The following CEP120 variants were observed in gnomAD, a reference collection of about 807,000 sequenced individuals.
CEP120 encodes the protein centrosomal protein of 120 kDa.
CEP120 carries 113 observed loss-of-function variants against 126.5 expected under a neutral mutation model. The observed-to-expected ratio is 0.89, with a 90% CI of 0.77 to 1.04. The LOEUF is 1.04. CEP120 is among the 50% of genes least tolerant of loss of function. The pLI, the probability that CEP120 is intolerant of heterozygous loss-of-function variation, is 0.00. For synonymous variants in CEP120, 400 were observed against 394.3 expected, an observed-to-expected ratio of 1.01 and a Z score of -0.17; for missense variants, 1,230 against 1,155.7, an observed-to-expected ratio of 1.06 and a Z score of -0.93.
At chr5:123,367,675 A>G (rs1770562372) in intron 17 of CEP120, among the ~76,000 whole-genome samples, 1 of 151,976 alleles carries the variant, frequency 6.6e-6, no homozygotes, top group East Asian at 1.9e-4. Flanking sequence ...TCTGATCCCA[A>G]GCATTTTGGA....
Position 123,422,405 on chromosome 5 carries a change from C to T in CEP120, c.49+545G>A, listed in dbSNP as rs1033714486. The T allele has an allele frequency of 4.2e-5, 44 of 1,055,796 alleles. No homozygotes were observed. The Admixed American group carries it at 8.7e-4, about 21-fold the overall frequency. The allele number at this position is 1,055,796 out of a possible 1,614,324, so 65.4% of individuals were successfully genotyped here. ...TCAGGACTGTTTCATTCTTACATTC[C>T]CAGCACAGTGTCTGACACTCAATGA... On this transcript the variant is annotated intron_variant, in intron 1 of 19. Transcript: ENST00000306467.
chr5:123,406,487 A>T (rs1252815435), intron 4 of CEP120, among the ~76,000 whole-genome samples: 2 of 151,786 alleles, frequency 1.3e-5, no homozygotes, highest in Non-Finnish European at 2.9e-5. Flanking sequence ...AACGGGAAAA[A>T]AAAAATCTTA....
chr5:123,351,654 A>T (rs370898334), intron 18 of CEP120, among the ~76,000 whole-genome samples: 1 of 152,148 alleles, frequency 6.6e-6, no homozygotes, highest in African/African-American at 2.4e-5. Context: ...ATACATAATG[A>T]GATATCTTGG....
chr5:123,408,127 G>C (rs1773815679), intron 4 of CEP120, among the ~76,000 whole-genome samples: 1 of 152,108 alleles, frequency 6.6e-6, no homozygotes, highest in Non-Finnish European at 1.5e-5. Context: ...AATGAAAGCA[G>C]TGCTTAGAGA....
intron 5 of CEP120, among the ~76,000 whole-genome samples, chr5:123,398,727 T>G (rs983771578): frequency 1.3e-5 from 2 of 152,210 alleles, no homozygotes; most frequent in Non-Finnish European, 1.5e-5. Flanking sequence ...ATTTATTAGT[T>G]TATAAACAAG....
chr5:123,393,182 A>G, intron 6 of CEP120, 118 bp downstream of exon 6: 1 of 892,312 alleles, frequency 1.1e-6, no homozygotes, highest in African/African-American at 1.7e-5. Flanking sequence ...TGGCAGAAAG[A>G]TAACCTGTAC....
At chr5:123,391,599 T>C (rs1772405456) in intron 6 of CEP120, among the ~76,000 whole-genome samples, 2 of 125,052 alleles carry the variant, frequency 1.6e-5, no homozygotes, top group Admixed American at 1.6e-4. Context: ...TCATATGTTA[T>C]TGCTTCTTTT....
rs1171858844 is a variant in CEP120 at position 123,401,392 on chromosome 5, G to C, written c.464-2108C>G. ...CTTTGAGGCCCTCATTCTCAGCCTG[G>C]AGCCGGCTGATGTTCCGGTTCATCT... On this transcript the variant is annotated intron_variant, in intron 4 of 19. Transcript: ENST00000306467. 7 of 1,471,830 alleles carry C rather than the reference G, an allele frequency of 4.8e-6. No individual in the cohort carries two copies. The African/African-American group carries it at 6.9e-5, about 15-fold the overall frequency. The allele number at this position is 1,471,830 out of a possible 1,614,324, so 91.2% of individuals were successfully genotyped here. A position where few individuals can be genotyped will look rare whatever the true frequency, so the allele number is the denominator to read the frequency against.
At chr5:123,363,786 G>A (rs1770258773) in intron 18 of CEP120, among the ~76,000 whole-genome samples, 1 of 151,448 alleles carries the variant, frequency 6.6e-6, no homozygotes, top group South Asian at 2.1e-4. Context: ...CCCTATGTGT[G>A]AAATTTCATT....
Position 123,350,008 on chromosome 5 carries a change from C to T in CEP120, c.2662G>A (p.Glu888Lys), listed in dbSNP as rs1561987254. 4 of 1,613,710 alleles carry T rather than the reference C, an allele frequency of 2.5e-6. No individual in the cohort carries two copies. Among genetic ancestry groups the T allele is most frequent in the Non-Finnish European group, 3.4e-6 (4 of 1,179,842 alleles). ...TCGGTTTTTACTGTATCTTTTTCCT[C>T]AGCGGCAAGGTAACGTAGTCTCATC... is the stretch of plus-strand genomic sequence containing the variant. ...EQMRLRYLAA[E>K]EKDTVKTERQ... The change falls in exon 19 of 20, where the codon GAG becomes AAG. Residue 888 changes from glutamate to lysine, a missense_variant. Coordinates refer to ENST00000306467, the MANE Select transcript of CEP120 (RefSeq NM_001375405.1).
Position 123,382,279 on chromosome 5 carries a change from C to T in CEP120, c.2014-79G>A, listed in dbSNP as rs554993637. On this transcript the variant is annotated intron_variant, in intron 13 of 19. Transcript: ENST00000306467. Reference sequence around the variant, plus strand: ...ATGAATCAGTTGTCAGTTAAATAACCGATGCTGATCACTAATATGATTTTT... The same window carrying T: ...ATGAATCAGTTGTCAGTTAAATAACTGATGCTGATCACTAATATGATTTTT... 1.3e-4 allele frequency: 89 copies of T among 680,538 alleles called. 1 individual carries two copies. In the Middle Eastern group the frequency reaches 1.5e-3, roughly 12 times the overall value. The allele number at this position is 680,538 out of a possible 1,614,324, so 42.2% of individuals were successfully genotyped here.
intron 5 of CEP120, among the ~76,000 whole-genome samples, chr5:123,397,590 A>G (rs1209895220): frequency 6.6e-6 from 1 of 152,218 alleles, no homozygotes; most frequent in Non-Finnish European, 1.5e-5. Context: ...AATTTACAGT[A>G]CCAAATAAGG....
chr5:123,381,077 T>G (rs1331205842), intron 14 of CEP120, among the ~76,000 whole-genome samples: 2 of 152,110 alleles, frequency 1.3e-5, no homozygotes, highest in African/African-American at 2.4e-5. Flanking sequence ...GCCTGTGTAC[T>G]TCTGTTTCCA....
At chr5:123,366,830 T>C (rs530854158) in intron 17 of CEP120, among the ~76,000 whole-genome samples, 1 of 151,892 alleles carries the variant, frequency 6.6e-6, no homozygotes, top group African/African-American at 2.4e-5. Flanking sequence ...ATTGAAAGCA[T>C]TCCAAAATAC....
intron 1 of CEP120, among the ~76,000 whole-genome samples, chr5:123,422,299 T>G (rs180951572): frequency 6.6e-6 from 1 of 152,086 alleles, no homozygotes; most frequent in Non-Finnish European, 1.5e-5. Context: ...TAGACAGAGG[T>G]GGTCATTCAT....
At chr5:123,357,909 C>G (rs1289500660) in intron 18 of CEP120, among the ~76,000 whole-genome samples, 4 of 152,082 alleles carry the variant, frequency 2.6e-5, no homozygotes, top group Admixed American at 1.3e-4. Context: ...AGGACAAGAA[C>G]AATTATATGC....
chr5:123,382,116 T>A lies in CEP120; in HGVS notation c.2098A>T (p.Lys700Ter). ...RDRERESLVK[K>*]KVAEYTILEG... is the part of the protein sequence containing the mutation. ...ACTTTTACACAAGTTATTACCTTTT[T>A]CTTTACTAGTGATTCTCTTTCTCGG... is the stretch of plus-strand genomic sequence containing the variant. The change falls in exon 14 of 20, where the codon AAA becomes TAA. Residue 700 changes from lysine to a stop codon, truncating the protein, a stop_gained. Transcript: ENST00000306467. LOFTEE classifies it high-confidence loss of function. 1 of 1,594,380 alleles carries A rather than the reference T, an allele frequency of 6.3e-7. No homozygotes were observed. Among genetic ancestry groups the A allele is most frequent in the Non-Finnish European group, 8.6e-7 (1 of 1,166,008 alleles).
intron 4 of CEP120, among the ~76,000 whole-genome samples, chr5:123,408,262 A>G (rs1216888049): frequency 6.6e-6 from 1 of 152,176 alleles, no homozygotes; most frequent in African/African-American, 2.4e-5. Context: ...AGATAATAAT[A>G]AAAATTACAG....
At chr5:123,356,619 C>CAAATA (rs1480020153) in intron 18 of CEP120, among the ~76,000 whole-genome samples, 21 of 55,140 alleles carry the variant, frequency 3.8e-4, no homozygotes, top group African/African-American at 1.1e-3. Flanking sequence ...AATAATTTGT[C>CAAATA]ATTCAGTTTT....
Sources: allele counts gnomAD v4.1 joint callset (sites outside exome capture counted in the v4.1 genomes callset), GRCh38; gene constraint gnomAD v4.1.1; transcripts MANE v1.5; gene names NCBI Gene and HGNC (gene_info 2026-07-23, HGNC 2026-07-21).